The following GYG2 variants were observed in gnomAD, a reference collection of about 807,000 sequenced individuals.
The protein encoded by GYG2 is glycogenin-2.
GYG2 carries 29 observed loss-of-function variants against 29.4 expected under a neutral mutation model. The observed-to-expected ratio is 0.99, with a 90% CI of 0.74 to 1.35. GYG2 has a LOEUF of 1.35. GYG2 is among the 40% of genes most tolerant of loss of function. The pLI, the probability that GYG2 is intolerant of heterozygous loss-of-function variation, is 0.00. For synonymous variants in GYG2, 167 were observed against 172.3 expected, an observed-to-expected ratio of 0.97 and a Z score of 0.24; for missense variants, 370 against 385.7, an observed-to-expected ratio of 0.96 and a Z score of 0.34.
At chrX:2,877,344 G>A (rs757316659) in intron 10 of GYG2, 37 bp downstream of exon 10, 8 of 1,197,228 alleles carry the variant, frequency 6.7e-6, no homozygotes, top group Admixed American at 4.5e-5. Context: ...CAAGGCTCCC[G>A]GTGGGGGCCA....
intron 3 of GYG2, among the ~76,000 whole-genome samples, chrX:2,845,642 T>TGCGC (rs2087693029): frequency 2.8e-5 from 3 of 106,917 alleles, no homozygotes; most frequent in Non-Finnish European, 5.8e-5. Flanking sequence ...TACATTTATA[T>TGCGC]ACGCATGTGT....
rs1486259675 is a variant in GYG2, at chrX:2,847,742, AT to A, written c.149+4389del. 2.1e-4 allele frequency among the ~76,000 whole-genome samples: 22 copies of A among 106,813 alleles called. No homozygotes were observed. The East Asian group carries it at 5.1e-3, about 25-fold the overall frequency. The allele number at this position is 106,813 out of a possible 115,157, so 92.8% of individuals were successfully genotyped here. On this transcript the variant is annotated intron_variant, in intron 3 of 10. Coordinates refer to ENST00000398806, the MANE Select transcript of GYG2 (RefSeq NM_001079855.2). ...AATAAATAAATAAATAAATAAATAA[AT>A]AAATAAAAATCCACATAGATTATAA...
At chrX:2,859,012 G>A (rs1032085452) in intron 6 of GYG2, among the ~76,000 whole-genome samples, 10 of 111,154 alleles carry the variant, frequency 9.0e-5, no homozygotes, top group African/African-American at 2.6e-4. Flanking sequence ...TATTTTTCCC[G>A]TTTTGGGAAA....
At chrX:2,838,434 TCTCCC>T (rs1372615947) in intron 2 of GYG2, among the ~76,000 whole-genome samples, 10 of 30,660 alleles carry the variant, frequency 3.3e-4, no homozygotes, top group African/African-American at 8.0e-4. Flanking sequence ...CCTCCTCTCC[TCTCCC>T]CTCCCCTCCC....
At chrX:2,856,679 C>A in intron 6 of GYG2, 55 bp downstream of exon 6, 3 of 1,068,350 alleles carry the variant, frequency 2.8e-6, no homozygotes, top group East Asian at 6.1e-5. Flanking sequence ...GATCCACCTT[C>A]CCTCCTGGAA....
chrX:2,868,900 C>T lies in GYG2; in HGVS notation c.1039-6910C>T, dbSNP rs186595718. Among the ~76,000 whole-genome samples, 498 of 110,876 alleles carry T rather than the reference C, an allele frequency of 4.5e-3. 4 individuals are homozygous for T. Among genetic ancestry groups the T allele is most frequent in the African/African-American group, 0.016 (475 of 30,492 alleles). Reference sequence around the variant, plus strand: ...TGATTGATTGGAGATTATTATATTACGGTCACATTTTCCAAGATAATATTT... The same window carrying T: ...TGATTGATTGGAGATTATTATATTATGGTCACATTTTCCAAGATAATATTT... On this transcript the variant is annotated intron_variant, in intron 8 of 10. Transcript: ENST00000398806.
rs765297484 is a variant in GYG2, at chrX:2,881,087, C to T, written c.1287C>T (p.Ile429=). The T allele has an allele frequency of 9.9e-6, 12 of 1,207,080 alleles. No homozygotes were observed. The highest frequency in any genetic ancestry group is 3.5e-5 in the African/African-American group (2 of 56,979). ...DLAVSVSQIS[I]EEKVKELSPE... Reference sequence around the variant, plus strand: ...CCGTCTCTGTTTCCCAGATCTCCATCGAAGAGAAGGTGAAGGAATTGAGCC... The same window carrying T: ...CCGTCTCTGTTTCCCAGATCTCCATTGAAGAGAAGGTGAAGGAATTGAGCC... The change falls in exon 11 of 11, where the codon ATC becomes ATT. Residue 429 remains isoleucine (I), a synonymous_variant. Coordinates refer to ENST00000398806, the MANE Select transcript of GYG2 (RefSeq NM_001079855.2).
rs2088726232 is a variant in GYG2 at position 2,881,786 on chromosome X, T to C, written c.*573T>C. On this transcript the variant is annotated 3_prime_UTR_variant, in exon 11 of 11. Transcript: ENST00000398806. ...TCGGCTGTGGTCTCTCTGCTTTAAA[T>C]CCTAACAGGACTTCCTAGAGCGTTG... 1 of 111,735 alleles carries C rather than the reference T, an allele frequency of 8.9e-6. No individual in the cohort carries two copies. The highest frequency in any genetic ancestry group is 3.3e-5 in the African/African-American group (1 of 30,728). The allele number at this position is 111,735 out of a possible 1,213,427, so 9.2% of individuals were successfully genotyped here.
At chrX:2,873,555 C>T (rs921326673) in intron 8 of GYG2, among the ~76,000 whole-genome samples, 4 of 110,966 alleles carry the variant, frequency 3.6e-5, no homozygotes, top group Non-Finnish European at 7.5e-5. Context: ...CCTCCTCCTC[C>T]TCCTGCTGCT....
Position 2,835,173 on chromosome X carries a change from G to A in GYG2, c.7+4978G>A, listed in dbSNP as rs766571794. ...CGAAAGAGTTATTATCAATAGAAGAGAATGTCTGGGTTATGATAAGAGGTT... is the reference window on the plus strand; with the variant it reads ...CGAAAGAGTTATTATCAATAGAAGAAAATGTCTGGGTTATGATAAGAGGTT... On this transcript the variant is annotated intron_variant, in intron 2 of 10. Transcript: ENST00000398806. Among the ~76,000 whole-genome samples the A allele has an allele frequency of 3.1e-3, 352 of 111,965 alleles. 1 individual carries two copies. Among genetic ancestry groups the A allele is most frequent in the Non-Finnish European group, 5.7e-3 (304 of 53,187 alleles).
chrX:2,876,032 C>CTTTTT (rs1569075859), intron 9 of GYG2, 118 bp downstream of exon 9: 1 of 241,056 alleles, frequency 4.1e-6, no homozygotes, highest in African/African-American at 4.8e-5. Context: ...AAAATTCCTC[C>CTTTTT]CTTTTTTTTT....
intron 3 of GYG2, among the ~76,000 whole-genome samples, chrX:2,845,753 G>A (rs1223939857): frequency 1.9e-5 from 2 of 103,979 alleles, no homozygotes; most frequent in African/African-American, 3.5e-5. Context: ...ATTTATGCAT[G>A]TGTATGTATA....
At chrX:2,866,830 T>A (rs1409711610) in intron 8 of GYG2, among the ~76,000 whole-genome samples, 1 of 64,888 alleles carries the variant, frequency 1.5e-5, no homozygotes. Context: ...AGTAAATTTT[T>A]TTTTTTTAAA....
intron 10 of GYG2, among the ~76,000 whole-genome samples, chrX:2,880,438 GTGC>G (rs1306608401): frequency 2.7e-5 from 3 of 109,172 alleles, no homozygotes; most frequent in Non-Finnish European, 3.8e-5. Context: ...GTGTGTGTGT[GTGC>G]ACATGCGCAT....
In GYG2 at chrX:2,844,598, GCA is replaced by G. The variant is rs1269341274; in HGVS notation, c.149+1248_149+1249del. Among the ~76,000 whole-genome samples the G allele has an allele frequency of 9.9e-5, 5 of 50,412 alleles. 1 individual carries two copies. The Admixed American group carries it at 1.0e-3, about 10-fold the overall frequency. 43.8% of individuals were successfully genotyped at this position (50,412 alleles called of 115,157 possible). A position where few individuals can be genotyped will look rare whatever the true frequency, so the allele number is the denominator to read the frequency against. ...CACACGCATGCGTATATGTGTATACGCACACGCATGCGTATATGTGTATACGC... is the reference window on the plus strand; with the variant it reads ...CACACGCATGCGTATATGTGTATACGCACGCATGCGTATATGTGTATACGC... On this transcript the variant is annotated intron_variant, in intron 3 of 10. Transcript: ENST00000398806.
chrX:2,877,104 A>G (rs1455256625), intron 9 of GYG2, 96 bp from the exon 10 acceptor site: 23 of 1,109,613 alleles, frequency 2.1e-5, no homozygotes, highest in Non-Finnish European at 2.6e-5. Context: ...ATTTGATTTT[A>G]TTTTACCCCA....
Position 2,853,965 on chromosome X carries a change from A to G in GYG2, c.150-15A>G, listed in dbSNP as rs371445636. ...TTCACCCGCTGTCCCACTATTTGGC[A>G]CATGTCTGTTCCAGGGTCATCCTCT... On this transcript the variant is annotated splice_polypyrimidine_tract_variant and intron_variant, in intron 3 of 10. Transcript: ENST00000398806. 2 of 1,171,246 alleles carry G rather than the reference A, an allele frequency of 1.7e-6. No homozygotes were observed. The highest frequency in any genetic ancestry group is 2.3e-6 in the Non-Finnish European group (2 of 860,951).
intron 2 of GYG2, among the ~76,000 whole-genome samples, chrX:2,833,039 G>A (rs1384334600): frequency 8.9e-6 from 1 of 111,975 alleles, no homozygotes; most frequent in Non-Finnish European, 1.9e-5. Context: ...GAATACTACT[G>A]TGTTTTTCTG....
chrX:2,845,930 CAT>C (rs1320160025), intron 3 of GYG2, among the ~76,000 whole-genome samples: 3 of 88,112 alleles, frequency 3.4e-5, no homozygotes. Context: ...ATATATATTT[CAT>C]ATATATATTT....
Sources: allele counts gnomAD v4.1 joint callset (sites outside exome capture counted in the v4.1 genomes callset), GRCh38; gene constraint gnomAD v4.1.1; transcripts MANE v1.5; gene names NCBI Gene and HGNC (gene_info 2026-07-23, HGNC 2026-07-21).